The following STRIP2 variants were observed in gnomAD, a reference collection of about 807,000 sequenced individuals.
The protein encoded by STRIP2 is striatin-interacting protein 2.
In STRIP2, 84 loss-of-function variants were observed where a neutral mutation model predicts 107.1. That is an observed-to-expected ratio of 0.78 (90% confidence interval 0.66 to 0.94). STRIP2 has a LOEUF of 0.94. STRIP2 is among the 40% of genes least tolerant of loss of function. The pLI is 0.00. For missense variants in STRIP2, 888 were observed against 1,034.2 expected, an observed-to-expected ratio of 0.86 and a Z score of 1.94; for synonymous variants, 394 against 400.4, an observed-to-expected ratio of 0.98 and a Z score of 0.19.
At position 129,460,793 on chromosome 7, in the gene STRIP2, G is replaced by C. The variant is rs184716897; in HGVS notation, c.1476+421G>C. Among the ~76,000 whole-genome samples, 9 of 152,314 alleles carry C rather than the reference G, an allele frequency of 5.9e-5. No homozygotes were observed. The East Asian group carries it at 1.7e-3, about 29-fold the overall frequency. On this transcript the variant is annotated intron_variant, in intron 13 of 20. Transcript: ENST00000249344. ...GGGGAAAGCAGGCTTAAGAGTGTCA[G>C]AGGTAGTGAAGGAAGGCTGTTGTGG... is the stretch of plus-strand genomic sequence containing the variant.
intron 2 of STRIP2, among the ~76,000 whole-genome samples, chr7:129,441,894 G>A (rs1797907974): frequency 6.6e-6 from 1 of 152,204 alleles, no homozygotes; most frequent in African/African-American, 2.4e-5. Flanking sequence ...GGGACTACAG[G>A]TGTGAGCCAC....
intron 18 of STRIP2, among the ~76,000 whole-genome samples, chr7:129,478,771 C>G (rs1019055700): frequency 6.6e-6 from 1 of 152,120 alleles, no homozygotes; most frequent in Non-Finnish European, 1.5e-5. Flanking sequence ...ATCATACAGT[C>G]AGGGATGAGG....
At chr7:129,439,826 C>T (rs747868417) in intron 1 of STRIP2, among the ~76,000 whole-genome samples, 196 bp from the exon 2 acceptor site, 5 of 152,192 alleles carry the variant, frequency 3.3e-5, no homozygotes, top group Non-Finnish European at 5.9e-5. Flanking sequence ...CTCAGCCCCT[C>T]CCCACACTGA....
At chr7:129,459,005 A>T (rs1040483004) in intron 11 of STRIP2, among the ~76,000 whole-genome samples, 12 of 152,152 alleles carry the variant, frequency 7.9e-5, no homozygotes, top group Non-Finnish European at 1.8e-4. Flanking sequence ...CAACTGTAGG[A>T]CTTTGAGCAA....
In STRIP2 at chr7:129,436,824, A is replaced by G. The variant is rs146617652; in HGVS notation, c.129+2223A>G. 9.6e-4 allele frequency among the ~76,000 whole-genome samples: 146 copies of G among 152,324 alleles called. 1 individual carries two copies. Among genetic ancestry groups the G allele is most frequent in the African/African-American group, 3.2e-3 (135 of 41,570 alleles). Reference sequence around the variant, plus strand: ...CTGTTTATGGAAGCACTGTTGACCTACCTTCTCCCACTGGCTTAGTGTGTG... The same window carrying G: ...CTGTTTATGGAAGCACTGTTGACCTGCCTTCTCCCACTGGCTTAGTGTGTG... On this transcript the variant is annotated intron_variant, in intron 1 of 20. Transcript: ENST00000249344.
intron 3 of STRIP2, among the ~76,000 whole-genome samples, chr7:129,449,559 A>T (rs1798126416): frequency 6.6e-6 from 1 of 152,100 alleles, no homozygotes; most frequent in Non-Finnish European, 1.5e-5. Context: ...ACTACTGGGG[A>T]TGGGGAAACT....
At chr7:129,482,351 CTCTCTATATATA>C (rs1481060299) in intron 19 of STRIP2, among the ~76,000 whole-genome samples, 2 of 67,792 alleles carry the variant, frequency 3.0e-5, no homozygotes, top group African/African-American at 4.5e-5. Flanking sequence ...CTCTCTCTCT[CTCTCTATATATA>C]TATATATATA....
intron 3 of STRIP2, among the ~76,000 whole-genome samples, chr7:129,449,013 C>G (rs1584940989): frequency 6.6e-6 from 1 of 152,186 alleles, no homozygotes; most frequent in East Asian, 1.9e-4. Flanking sequence ...GGATCCCTTC[C>G]TCTACATTAA....
intron 13 of STRIP2, among the ~76,000 whole-genome samples, chr7:129,462,465 T>G (rs528360688): frequency 6.6e-6 from 1 of 152,254 alleles, no homozygotes; most frequent in South Asian, 2.1e-4. Context: ...AGGACAGAGA[T>G]AGTTGTATAT....
intron 19 of STRIP2, among the ~76,000 whole-genome samples, chr7:129,482,552 A>G (rs924427113): frequency 1.3e-5 from 2 of 151,370 alleles, no homozygotes; most frequent in Non-Finnish European, 2.9e-5. Flanking sequence ...TAATTTTTGT[A>G]TTTTTAGTAG....
intron 14 of STRIP2, among the ~76,000 whole-genome samples, chr7:129,463,503 T>C (rs1798596689): frequency 6.6e-6 from 1 of 152,080 alleles, no homozygotes; most frequent in Admixed American, 6.5e-5. Context: ...AACAGTCTTT[T>C]TTTTTTTTTT....
chr7:129,471,482 C>T (rs1445745586), intron 18 of STRIP2, among the ~76,000 whole-genome samples: 12 of 152,164 alleles, frequency 7.9e-5, no homozygotes, highest in Admixed American at 7.9e-4. Context: ...TTGTCTGGTA[C>T]ATTGAAGAGC....
chr7:129,470,777 C>G, intron 18 of STRIP2, 62 bp downstream of exon 18: 1 of 1,387,076 alleles, frequency 7.2e-7, no homozygotes, highest in South Asian at 1.2e-5. Context: ...GGCATTTGCT[C>G]TTTCATTTCT....
At chr7:129,479,017 A>G (rs1045214501) in intron 18 of STRIP2, among the ~76,000 whole-genome samples, 1 of 152,096 alleles carries the variant, frequency 6.6e-6, no homozygotes, top group Non-Finnish European at 1.5e-5. Context: ...GCTCATGCCT[A>G]TAATCCCAGC....
intron 18 of STRIP2, among the ~76,000 whole-genome samples, chr7:129,472,775 CCTTTTTTTTTTTTTTT>C (rs1239618565): frequency 2.9e-5 from 2 of 68,904 alleles, no homozygotes; most frequent in Admixed American, 2.3e-4. Flanking sequence ...CTTTTCTTTT[CCTTTTTTTTTTTTTTT>C]TTTTTTTTTT....
intron 18 of STRIP2, chr7:129,478,095 A>T (rs570581730): frequency 1.9e-4 from 53 of 276,804 alleles, no homozygotes; most frequent in African/African-American, 1.2e-3. Context: ...GAAACCTTGG[A>T]ACAAGAATAA....
chr7:129,453,454 G>A, intron 5 of STRIP2, 107 bp downstream of exon 5: 2 of 1,401,116 alleles, frequency 1.4e-6, no homozygotes, highest in Non-Finnish European at 1.9e-6. Flanking sequence ...TGAGGAACTG[G>A]GTCTACTCAC....
rs771341431 is a variant in STRIP2 at position 129,458,200 on chromosome 7, T to G, written c.1039-15T>G. ...GAGATCTCTGCATGCCTACCCTCCC[T>G]TCTTTCCCCTCCAGCAACTCCTCAC... On this transcript the variant is annotated splice_polypyrimidine_tract_variant and intron_variant, in intron 9 of 20. Transcript: ENST00000249344. This position sits in a 1 kb window ranked among gnomAD's most constrained non-coding sequence, Gnocchi z 4.6. 22 of 1,609,054 alleles carry G rather than the reference T, an allele frequency of 1.4e-5. 1 individual carries two copies. In the South Asian group the frequency reaches 2.3e-4, roughly 17 times the overall value.
intron 2 of STRIP2, 106 bp from the exon 3 acceptor site, chr7:129,443,918 C>T: frequency 1.2e-6 from 1 of 810,952 alleles, no homozygotes; most frequent in Non-Finnish European, 2.1e-6. Context: ...ATTCATTGGA[C>T]ACAGGAATGT....
Sources: allele counts gnomAD v4.1 joint callset (sites outside exome capture counted in the v4.1 genomes callset), GRCh38; gene constraint gnomAD v4.1.1; non-coding constraint Gnocchi (gnomAD v3.1); transcripts MANE v1.5; gene names NCBI Gene and HGNC (gene_info 2026-07-23, HGNC 2026-07-21).